DPP10: variants seen among roughly 807,000 people sequenced by gnomAD.
DPP10 encodes the protein dipeptidyl peptidase like 10, also known as inactive dipeptidyl peptidase 10.
A neutral mutation model predicts 120.9 loss-of-function variants in DPP10; 33 were observed. That is an observed-to-expected ratio of 0.27 (90% confidence interval 0.21 to 0.37). DPP10 has a LOEUF of 0.37. Among genes scored for constraint, DPP10 ranks in the 10% least tolerant of loss-of-function variants. The pLI is 1.00. For synonymous variants in DPP10, 337 were observed against 326.1 expected, an observed-to-expected ratio of 1.03 and a Z score of -0.36; for missense variants, 816 against 942.8, an observed-to-expected ratio of 0.87 and a Z score of 1.76.
chr2:115,069,668 T>C (rs1329278837), intron 1 of DPP10, among the ~76,000 whole-genome samples: 1 of 152,064 alleles, frequency 6.6e-6, no homozygotes, highest in Non-Finnish European at 1.5e-5. Flanking sequence ...CAGTTTAGCA[T>C]AGTGGTAAGA....
intron 1 of DPP10, among the ~76,000 whole-genome samples, chr2:114,529,626 C>T (rs1020964568): frequency 2.0e-5 from 3 of 152,162 alleles, no homozygotes; most frequent in Non-Finnish European, 4.4e-5. Flanking sequence ...CTGCTCCTTT[C>T]TTGCCTCCTC....
At chr2:115,210,834 T>G (rs2056463075) in intron 1 of DPP10, among the ~76,000 whole-genome samples, 1 of 152,194 alleles carries the variant, frequency 6.6e-6, no homozygotes, top group Non-Finnish European at 1.5e-5. Flanking sequence ...GAAGTGTCTG[T>G]TCATATCCTT....
chr2:114,691,932 T>C (rs1469052550), intron 1 of DPP10, among the ~76,000 whole-genome samples: 1 of 149,460 alleles, frequency 6.7e-6, no homozygotes, highest in Non-Finnish European at 1.5e-5. Context: ...GGTGATATCA[T>C]TTCTTATCAT....
intron 1 of DPP10, among the ~76,000 whole-genome samples, chr2:115,041,694 G>T (rs1183949550): frequency 6.6e-6 from 1 of 151,998 alleles, no homozygotes; most frequent in Admixed American, 6.6e-5. Context: ...TATCTTTCTA[G>T]GTCACACCCT....
chr2:114,781,596 G>C (rs998301753), intron 1 of DPP10, among the ~76,000 whole-genome samples: 1 of 152,060 alleles, frequency 6.6e-6, no homozygotes, highest in Non-Finnish European at 1.5e-5. Flanking sequence ...GAAACTAGCA[G>C]AGCTTATGCT....
At chr2:115,813,041 G>C (rs1281768898) in intron 19 of DPP10, among the ~76,000 whole-genome samples, 1 of 129,470 alleles carries the variant, frequency 7.7e-6, no homozygotes, top group African/African-American at 3.1e-5. Context: ...GACTGCAGTG[G>C]CGCAATCTCG....
chr2:115,596,206 AC>A lies in DPP10; in HGVS notation c.441+70236del, dbSNP rs370561386. Among the ~76,000 whole-genome samples the A allele has an allele frequency of 3.1e-3, 473 of 152,266 alleles. 2 individuals carry two copies. The highest frequency in any genetic ancestry group is 0.011 in the African/African-American group (450 of 41,578). On this transcript the variant is annotated intron_variant, in intron 5 of 25. Transcript: ENST00000410059. ...ATATCACAATTTATGACCTTAAAACACCTAGCAAAGGCAGTATCTGACCTGC... is the reference window on the plus strand; with the variant it reads ...ATATCACAATTTATGACCTTAAAACACTAGCAAAGGCAGTATCTGACCTGC...
chr2:114,685,352 A>G (rs1362590575), intron 1 of DPP10, among the ~76,000 whole-genome samples: 1 of 151,992 alleles, frequency 6.6e-6, no homozygotes, highest in African/African-American at 2.4e-5. Flanking sequence ...CTTAGGAATC[A>G]CTGCCTGATC....
chr2:115,731,718 G>A (rs17698761), intron 8 of DPP10, among the ~76,000 whole-genome samples: 12,150 of 152,122 alleles, frequency 0.08, 662 homozygotes, highest in Non-Finnish European at 0.12. Flanking sequence ...CACAACACAC[G>A]TTTTGGGACC....
rs917560903 is a variant in DPP10 at position 115,045,565 on chromosome 2, G to A, written c.61-263674G>A. ...TTCCACTGTGACCAGGAAGCACTGA[G>A]TTCTAATGCAAAGTCCCGCAATCAC... On this transcript the variant is annotated intron_variant, in intron 1 of 25. Transcript: ENST00000410059. 1.8e-4 allele frequency among the ~76,000 whole-genome samples: 27 copies of A among 152,220 alleles called. 1 individual carries two copies. Among genetic ancestry groups the A allele is most frequent in the Admixed American group, 1.8e-3 (27 of 15,270 alleles).
chr2:114,656,062 G>A (rs1696945550), intron 1 of DPP10, among the ~76,000 whole-genome samples: 1 of 152,094 alleles, frequency 6.6e-6, no homozygotes, highest in South Asian at 2.1e-4. Context: ...GGAATAATTA[G>A]TTATGTTGAG....
In DPP10 at chr2:115,689,757, C is replaced by G. The variant is rs771827670; in HGVS notation, c.494+18C>G. Reference sequence around the variant, plus strand: ...CACACTAGGTAAGTTCTTTGATTTTCTAGTTTTCATGAGCAATTGTGTTAC... The same window carrying G: ...CACACTAGGTAAGTTCTTTGATTTTGTAGTTTTCATGAGCAATTGTGTTAC... On this transcript the variant is annotated intron_variant, in intron 6 of 25. Transcript: ENST00000410059. 1 of 1,606,064 alleles carries G rather than the reference C, an allele frequency of 6.2e-7. No homozygotes were observed. Among genetic ancestry groups the G allele is most frequent in the South Asian group, 1.1e-5 (1 of 90,562 alleles).
intron 3 of DPP10, among the ~76,000 whole-genome samples, chr2:115,364,230 A>G (rs1308568949): frequency 6.6e-6 from 1 of 151,806 alleles, no homozygotes; most frequent in Non-Finnish European, 1.5e-5. Flanking sequence ...TGAAATTCCA[A>G]TTGCTGCCTT....
chr2:114,924,798 C>CA (rs925178705), intron 1 of DPP10, among the ~76,000 whole-genome samples: 5 of 151,814 alleles, frequency 3.3e-5, no homozygotes, highest in Non-Finnish European at 5.9e-5. Context: ...GACAAAAAAA[C>CA]AAAAAACAAA....
chr2:114,534,756 A>C (rs1686343280), intron 1 of DPP10, among the ~76,000 whole-genome samples: 1 of 151,722 alleles, frequency 6.6e-6, no homozygotes, highest in Admixed American at 6.6e-5. Flanking sequence ...TGCAGCAAAC[A>C]TCTTTTAGAG....
chr2:115,544,454 A>C (rs7563882), intron 5 of DPP10, among the ~76,000 whole-genome samples: 31,496 of 151,952 alleles, frequency 0.21, 4,507 homozygotes, highest in African/African-American at 0.4. Flanking sequence ...TAAGTGAGAG[A>C]GTGTAATCTC....
intron 3 of DPP10, among the ~76,000 whole-genome samples, chr2:115,422,784 C>T (rs180773563): frequency 6.6e-6 from 1 of 152,204 alleles, no homozygotes; most frequent in Admixed American, 6.5e-5. Flanking sequence ...TCCATGTCCC[C>T]ATGAGTTTCT....
At chr2:115,244,458 A>C (rs1337140171) in intron 1 of DPP10, among the ~76,000 whole-genome samples, 1 of 151,946 alleles carries the variant, frequency 6.6e-6, no homozygotes, top group South Asian at 2.1e-4. Flanking sequence ...TTAAAGCCAA[A>C]ACAAATAGCT....
At chr2:115,474,920 C>T (rs2074976301) in intron 3 of DPP10, among the ~76,000 whole-genome samples, 1 of 152,164 alleles carries the variant, frequency 6.6e-6, no homozygotes, top group African/African-American at 2.4e-5. Context: ...GTTTCATGGG[C>T]CAAGCCCAGG....
Sources: gnomAD v4.1 joint callset for allele counts (sites outside exome capture counted in the v4.1 genomes callset) on GRCh38, gnomAD v4.1.1 for gene constraint, MANE v1.5 for transcripts, NCBI Gene and HGNC (gene_info 2026-07-23, HGNC 2026-07-21) for gene names.